The following LZTR1 variants were observed in gnomAD, a reference collection of about 807,000 sequenced individuals.
LZTR1 encodes leucine zipper like post translational regulator 1.
LZTR1 carries 260 observed loss-of-function variants against 105.7 expected under a neutral mutation model. The ratio of observed to expected loss-of-function variants is 2.46; its 90% CI spans 2.22 to 2.72. The LOEUF (loss-of-function observed/expected upper bound fraction) is 2.72. Among genes scored for constraint, LZTR1 ranks in the 30% most tolerant of loss-of-function variants. The pLI is 0.00. For missense variants in LZTR1, 1,214 were observed against 1,166.9 expected, an observed-to-expected ratio of 1.04 and a Z score of -0.59; for synonymous variants, 490 against 476.4, an observed-to-expected ratio of 1.03 and a Z score of -0.37.
At chr22:20,995,914 G>C in intron 17 of LZTR1, 42 bp downstream of exon 17, 1 of 1,613,144 alleles carries the variant, frequency 6.2e-7, no homozygotes, top group Non-Finnish European at 8.5e-7. Context: ...GGCCTGGATG[G>C]TGTCTTCGTT....
intron 8 of LZTR1, 99 bp from the exon 9 acceptor site, chr22:20,991,529 G>T (rs1245178869): frequency 4.3e-6 from 4 of 939,910 alleles, no homozygotes; most frequent in African/African-American, 3.3e-5. Flanking sequence ...CACCGTAAGG[G>T]ATGCAGGGGG....
Position 20,996,027 on chromosome 22 carries a change from G to T in LZTR1, c.2134G>T (p.Glu712Ter), listed in dbSNP as rs1409419929. 1 of 1,613,722 alleles carries T rather than the reference G, an allele frequency of 6.2e-7. No homozygotes were observed. The highest frequency in any genetic ancestry group is 1.7e-5 in the Admixed American group (1 of 60,028). The change falls in exon 18 of 21, where the codon GAG becomes TAG. Residue 712 changes from glutamate to a stop codon, truncating the protein, a stop_gained. Coordinates refer to ENST00000646124, the MANE Select transcript of LZTR1 (RefSeq NM_006767.4). LOFTEE classifies it high-confidence loss of function. Reference protein sequence around the residue: ...EDGQVNISIGEMVPSRQAFES... With the variant: ...EDGQVNISIG ...TGGGCAGGTGAACATCTCCATCGGG[G>T]AGATGGTGCCCAGCAGGCAGGCCTT...
intron 5 of LZTR1, 52 bp downstream of exon 5, chr22:20,988,170 G>A: frequency 8.2e-7 from 1 of 1,216,994 alleles, no homozygotes; most frequent in Non-Finnish European, 1.2e-6. Flanking sequence ...GGGTGGCATT[G>A]GACCTGGGAT....
intron 7 of LZTR1, 108 bp from the exon 8 acceptor site, chr22:20,990,278 C>A: frequency 1.6e-6 from 2 of 1,256,806 alleles, no homozygotes; most frequent in Non-Finnish European, 1.2e-6. Flanking sequence ...GAATCCTCAT[C>A]TGGGGAAGTT....
At position 20,994,289 on chromosome 22, in the gene LZTR1, G is replaced by A; in HGVS notation, c.1615+20G>A. The A allele has an allele frequency of 6.3e-7, 1 of 1,595,510 alleles. No individual in the cohort carries two copies. The highest frequency in any genetic ancestry group is 8.5e-7 in the Non-Finnish European group (1 of 1,177,944). Reference sequence around the variant, plus strand: ...GGAAAGGTCCGCCTGGGTGGGGGTGGAGCAGGGTTGGTGTGGGCTGGGGTG... The same window carrying A: ...GGAAAGGTCCGCCTGGGTGGGGGTGAAGCAGGGTTGGTGTGGGCTGGGGTG... On this transcript the variant is annotated intron_variant, in intron 14 of 20. Coordinates refer to ENST00000646124, the MANE Select transcript of LZTR1 (RefSeq NM_006767.4).
chr22:20,992,474 T>TG, intron 10 of LZTR1, 105 bp downstream of exon 10: 1 of 1,284,664 alleles, frequency 7.8e-7, no homozygotes, highest in Admixed American at 2.4e-5. Context: ...AATACTTGCT[T>TG]GGGGTCACAC....
In LZTR1 at chr22:20,991,831, T is replaced by G. The variant is rs1924619856; in HGVS notation, c.993+2T>G. ...GTCCAGCCCAGCTCCGACAGCGAGG[T>G]GAGGGTGCCCAGGGGTGTCCTGACC... On this transcript the variant is annotated splice_donor_variant, in intron 9 of 20. Transcript: ENST00000646124. LOFTEE classifies it high-confidence loss of function. 7 of 1,548,244 alleles carry G rather than the reference T, an allele frequency of 4.5e-6. No homozygotes were observed. Among genetic ancestry groups the G allele is most frequent in the Non-Finnish European group, 6.1e-6 (7 of 1,146,054 alleles).
At chr22:20,982,655 G>A (rs1924239578) in intron 1 of LZTR1, 84 bp downstream of exon 1, 1 of 1,367,508 alleles carries the variant, frequency 7.3e-7, no homozygotes, top group East Asian at 2.4e-5. Flanking sequence ...AAGCCGGGGG[G>A]TGGTGTCCTG....
At chr22:20,991,550 G>T in intron 8 of LZTR1, 78 bp from the exon 9 acceptor site, 1 of 1,175,814 alleles carries the variant, frequency 8.5e-7, no homozygotes, top group Non-Finnish European at 1.2e-6. Context: ...ACCTCCCAGT[G>T]AAGGCCTGCT....
rs1483102747 is a variant in LZTR1, at chr22:20,994,944, C to G, written c.1860C>G (p.Leu620=). 6 of 1,613,354 alleles carry G rather than the reference C, an allele frequency of 3.7e-6. No individual in the cohort carries two copies. The highest frequency in any genetic ancestry group is 3.4e-6 in the Non-Finnish European group (4 of 1,180,004). The change falls in exon 16 of 21, where the codon CTC becomes CTG. Residue 620 remains leucine, a synonymous_variant. Transcript: ENST00000646124. The part of the protein sequence containing the change: ...QVIMMKEFER[L]SSPLIVEIVR... ...TCATGATGAAGGAGTTCGAGCGCCT[C>G]TCCTCTCCACTGATAGTGGAGATTG... is the stretch of plus-strand genomic sequence containing the variant.
At chr22:20,988,666 C>T (rs1924489473) in intron 5 of LZTR1, 123 bp from the exon 6 acceptor site, 1 of 703,770 alleles carries the variant, frequency 1.4e-6, no homozygotes, top group Non-Finnish European at 2.6e-6. Flanking sequence ...GTCCTGAAGC[C>T]CCAGTGTCGG....
In LZTR1 at chr22:20,994,268, A is replaced by G. The variant is rs2147967487; in HGVS notation, c.1614A>G (p.Lys538=). ...LYTDKIKYPR[K]GHVEDVLLIM... ...CCGACAAGATCAAATACCCACGGAA[A>G]GGTCCGCCTGGGTGGGGGTGGAGCA... The change falls in exon 14 of 21, where the codon AAA becomes AAG. Residue 538 remains lysine (K), a splice_region_variant and synonymous_variant. Transcript: ENST00000646124. 2 of 1,597,594 alleles carry G rather than the reference A, an allele frequency of 1.3e-6. No homozygotes were observed. The highest frequency in any genetic ancestry group is 1.1e-5 in the South Asian group (1 of 90,972).
chr22:20,992,262 C>G lies in LZTR1; in HGVS notation c.1042C>G (p.Pro348Ala), dbSNP rs767839536. The change falls in exon 10 of 21, where the codon CCC becomes GCC. Residue 348 changes from proline (P) to alanine (A), a missense_variant. Transcript: ENST00000646124. ...PERACASEEV[P>A]TLTYEERVGF... ...GCGAGCCTGTGCTTCCGAGGAGGTG[C>G]CCACCCTGACCTATGAGGAGCGGGT... 4 of 1,613,884 alleles carry G rather than the reference C, an allele frequency of 2.5e-6. No homozygotes were observed. The highest frequency in any genetic ancestry group is 8.5e-7 in the Non-Finnish European group (1 of 1,179,984).
Position 20,996,709 on chromosome 22 carries a change from G to A in LZTR1, c.2233G>A (p.Ala745Thr). 6.2e-6 allele frequency: 10 copies of A among 1,613,528 alleles called. No individual in the cohort carries two copies. Among genetic ancestry groups the A allele is most frequent in the Non-Finnish European group, 8.5e-6 (10 of 1,179,930 alleles). The change falls in exon 19 of 21, where the codon GCC (alanine) becomes ACC (threonine). Residue 745 changes from alanine to threonine, a missense_variant. Ala to Thr is a moderately conservative substitution (Grantham distance 58). Coordinates refer to ENST00000646124, the MANE Select transcript of LZTR1 (RefSeq NM_006767.4). ...PPEDSLYLFA[A>T]PYYYGFYNNR... Reference sequence around the variant, plus strand: ...ACCAGGCCCCAGCTACTTGTTTGCGGCCCCCTACTACTACGGCTTCTACAA... The same window carrying A: ...ACCAGGCCCCAGCTACTTGTTTGCGACCCCCTACTACTACGGCTTCTACAA...
Position 20,990,439 on chromosome 22 carries a change from G to A in LZTR1, c.705G>A (p.Val235=). The A allele has an allele frequency of 6.2e-7, 1 of 1,614,120 alleles. No homozygotes were observed. Among genetic ancestry groups the A allele is most frequent in the Non-Finnish European group, 8.5e-7 (1 of 1,180,024 alleles). The change falls in exon 8 of 21, where the codon GTG becomes GTA. Residue 235 remains valine, a synonymous_variant. Coordinates refer to ENST00000646124, the MANE Select transcript of LZTR1 (RefSeq NM_006767.4). Reference sequence around the variant, plus strand: ...CTTGCTGCAACTTCCCCGTGGCTGTGTGCCGGGACAAGATGTTTGTATTCT... The same window carrying A: ...CTTGCTGCAACTTCCCCGTGGCTGTATGCCGGGACAAGATGTTTGTATTCT... ...PPSCCNFPVA[V]CRDKMFVFSG...
chr22:20,991,433 G>T, intron 8 of LZTR1, 195 bp from the exon 9 acceptor site: 1 of 585,052 alleles, frequency 1.7e-6, no homozygotes, highest in Non-Finnish European at 3.0e-6. Context: ...GCCACATGGA[G>T]CCAGGCAGGG....
In LZTR1 at chr22:20,993,752, G is replaced by A. The variant is rs766718505; in HGVS notation, c.1351G>A (p.Glu451Lys). 2 of 1,612,440 alleles carry A rather than the reference G, an allele frequency of 1.2e-6. No individual in the cohort carries two copies. The highest frequency in any genetic ancestry group is 1.7e-6 in the Non-Finnish European group (2 of 1,179,618). ...QFCDVEFVLG[E>K]KEECVQGHVA... ...CTGCGACGTGGAGTTCGTGCTGGGT[G>A]AGGTGGGTGCCTGTCCTCGCACCCT... Residue 451 changes from glutamate (E) to lysine (K), a missense_variant and splice_region_variant, in exon 12 of 21, where the codon GAG becomes AAG. Transcript: ENST00000646124.
intron 6 of LZTR1, 85 bp downstream of exon 6, chr22:20,988,957 TG>T: frequency 8.0e-7 from 1 of 1,253,564 alleles, no homozygotes; most frequent in Non-Finnish European, 1.2e-6. Flanking sequence ...GGGCTTAGGC[TG>T]GGAGGATTTT....
At chr22:20,987,344 G>C (rs186284838) in intron 3 of LZTR1, among the ~76,000 whole-genome samples, 160 bp from the exon 4 acceptor site, 1 of 150,656 alleles carries the variant, frequency 6.6e-6, no homozygotes, top group African/African-American at 2.4e-5. Flanking sequence ...AGCCGGGATC[G>C]TGCCACTGCA....
Sources: allele counts gnomAD v4.1 joint callset (sites outside exome capture counted in the v4.1 genomes callset), GRCh38; gene constraint gnomAD v4.1.1; transcripts MANE v1.5; gene names NCBI Gene and HGNC (gene_info 2026-07-23, HGNC 2026-07-21).